Variants in GLT1D1 observed in about 807,000 individuals in gnomAD.
The protein encoded by GLT1D1 is glycosyltransferase 1 domain-containing protein 1.
GLT1D1 carries 21 observed loss-of-function variants against 28.7 expected under a neutral mutation model. The observed-to-expected ratio is 0.73, with a 90% confidence interval of 0.52 to 1.05. GLT1D1 has a LOEUF of 1.05. Ranked by LOEUF, GLT1D1 falls within the 50% of genes least tolerant of loss-of-function variation. The probability of loss-of-function intolerance (pLI) is 0.00; values close to 1 mark genes in which losing one functional copy is unlikely to be tolerated. For synonymous variants in GLT1D1, 147 were observed against 124.8 expected (o/e 1.18, Z -1.19); for missense variants, 343 against 330.6 (o/e 1.04, Z -0.29).
intron 4 of GLT1D1, among the ~76,000 whole-genome samples, chr12:128,941,821 C>T (rs1389105264): frequency 1.3e-5 from 2 of 151,402 alleles, no homozygotes; most frequent in African/African-American, 4.8e-5. Context: ...TCACATGATC[C>T]CCCCTCCTCA....
rs934772308 is a variant in GLT1D1 at position 128,983,204 on chromosome 12, G to A, written c.*114G>A. ...CAGTTCAAATAAAACCAGCCTCAGCGGAATCCTAGAAAATGTTAGTCGTGA... is the reference window on the plus strand; with the variant it reads ...CAGTTCAAATAAAACCAGCCTCAGCAGAATCCTAGAAAATGTTAGTCGTGA... On this transcript the variant is annotated 3_prime_UTR_variant, in exon 8 of 8. Coordinates refer to ENST00000281703, the MANE Select transcript of GLT1D1 (RefSeq NM_144669.3). This position sits in a 1 kb window ranked among gnomAD's most constrained non-coding sequence, Gnocchi z 4.7. 6.4e-6 allele frequency: 6 copies of A among 931,130 alleles called. No individual in the cohort carries two copies. The highest frequency in any genetic ancestry group is 9.8e-6 in the Non-Finnish European group (6 of 609,336). The allele number at this position is 931,130 out of a possible 1,614,324, so 57.7% of individuals were successfully genotyped here. A position where few individuals can be genotyped will look rare whatever the true frequency, so the allele number is the denominator to read the frequency against.
In GLT1D1 at chr12:128,856,385, C is replaced by T. The variant is rs371151078; in HGVS notation, c.68+2736C>T. The stretch of plus-strand genomic sequence containing the variant: ...ATTGCAGCCCAGTAGGTCTTAACCT[C>T]ATTTTACCCAGCCCTTATTCAAGAC... On this transcript the variant is annotated intron_variant, in intron 1 of 7. Transcript: ENST00000281703. Among the ~76,000 whole-genome samples the T allele has an allele frequency of 7.7e-4, 117 of 152,276 alleles. 3 individuals carry two copies. The South Asian group carries it at 0.024, about 31-fold the overall frequency.
intron 4 of GLT1D1, chr12:128,906,796 C>T: frequency 3.5e-6 from 2 of 564,364 alleles, no homozygotes; most frequent in Non-Finnish European, 3.3e-6. Context: ...TGCCTTGGCA[C>T]TTGTGAAAGA....
chr12:128,980,283 A>T (rs1880197541), intron 7 of GLT1D1, among the ~76,000 whole-genome samples: 1 of 152,214 alleles, frequency 6.6e-6, no homozygotes, highest in African/African-American at 2.4e-5. Flanking sequence ...ACAAATCAGG[A>T]CCAACTTTTG....
Position 128,983,255 on chromosome 12 carries a change from C to G in GLT1D1, c.*165C>G. 2 of 622,002 alleles carry G rather than the reference C, an allele frequency of 3.2e-6. No homozygotes were observed. Among genetic ancestry groups the G allele is most frequent in the Non-Finnish European group, 5.6e-6 (2 of 356,740 alleles). 38.5% of individuals were successfully genotyped at this position (622,002 alleles called of 1,614,324 possible). On this transcript the variant is annotated 3_prime_UTR_variant, in exon 8 of 8. Coordinates refer to ENST00000281703, the MANE Select transcript of GLT1D1 (RefSeq NM_144669.3). This position sits in a 1 kb window ranked among gnomAD's most constrained non-coding sequence, Gnocchi z 4.7. ...GTCCCCAGAGCCACTGCATTCATCC[C>G]ATATCCTTCTGTGCGTTCAGATGCT...
At chr12:128,894,039 T>C (rs1000251514) in intron 3 of GLT1D1, among the ~76,000 whole-genome samples, 1 of 152,212 alleles carries the variant, frequency 6.6e-6, no homozygotes, top group Non-Finnish European at 1.5e-5. Context: ...TTCCCCCAGA[T>C]ACAGTTTCCT....
intron 6 of GLT1D1, among the ~76,000 whole-genome samples, chr12:128,950,104 C>T (rs1173239771): frequency 2.6e-5 from 4 of 152,058 alleles, no homozygotes; most frequent in South Asian, 2.1e-4. Context: ...TACGGCAGTG[C>T]GAGGCCTTTC....
intron 4 of GLT1D1, among the ~76,000 whole-genome samples, chr12:128,916,851 C>T (rs562859558): frequency 2.6e-5 from 4 of 152,188 alleles, no homozygotes; most frequent in African/African-American, 4.8e-5. Flanking sequence ...TTATTGAAGT[C>T]GAGTTTATCA....
chr12:128,952,858 A>G (rs917857019), intron 6 of GLT1D1, among the ~76,000 whole-genome samples: 3 of 132,968 alleles, frequency 2.3e-5, no homozygotes, highest in African/African-American at 8.7e-5. Context: ...GGCTCACTGA[A>G]GCTTCCACCT....
At chr12:128,928,723 C>T (rs901956103) in intron 4 of GLT1D1, among the ~76,000 whole-genome samples, 19 of 151,496 alleles carry the variant, frequency 1.3e-4, no homozygotes, top group South Asian at 6.3e-4. Context: ...TGGGTTCAAG[C>T]GATTCTCCAG....
intron 1 of GLT1D1, among the ~76,000 whole-genome samples, chr12:128,856,115 C>A (rs1956215505): frequency 6.6e-6 from 1 of 152,134 alleles, no homozygotes; most frequent in African/African-American, 2.4e-5. Context: ...ATTATTCACA[C>A]CTCCCCTTTC....
At chr12:128,922,102 T>C (rs774076820) in intron 4 of GLT1D1, among the ~76,000 whole-genome samples, 1 of 152,070 alleles carries the variant, frequency 6.6e-6, no homozygotes, top group Non-Finnish European at 1.5e-5. Context: ...GTGTCACATA[T>C]GGATGTGTAC....
intron 4 of GLT1D1, among the ~76,000 whole-genome samples, chr12:128,939,840 C>A (rs76403133): frequency 5.6e-5 from 8 of 142,616 alleles, no homozygotes; most frequent in Admixed American, 3.4e-4. Flanking sequence ...GTTAGAAACC[C>A]CCCCCCACCG....
intron 1 of GLT1D1, chr12:128,864,311 A>G (rs1956461717): frequency 2.4e-6 from 1 of 424,362 alleles, no homozygotes; most frequent in South Asian, 5.7e-5. Flanking sequence ...ACTGGGATAT[A>G]ACATGATCAG....
At chr12:128,960,470 A>G (rs531535050) in intron 7 of GLT1D1, among the ~76,000 whole-genome samples, 3 of 152,210 alleles carry the variant, frequency 2.0e-5, no homozygotes, top group Non-Finnish European at 4.4e-5. Context: ...TTAATTTTAA[A>G]TATGAGGCCG....
intron 7 of GLT1D1, among the ~76,000 whole-genome samples, chr12:128,975,095 C>G (rs1879639282): frequency 1.3e-5 from 2 of 152,216 alleles, no homozygotes; most frequent in Admixed American, 6.5e-5. Flanking sequence ...CTCCGTCACT[C>G]CTGAGCACCC....
chr12:128,929,411 T>C (rs989214010), intron 4 of GLT1D1, among the ~76,000 whole-genome samples: 14 of 152,206 alleles, frequency 9.2e-5, no homozygotes, highest in African/African-American at 3.4e-4. Flanking sequence ...GGTGTACCAT[T>C]GGCAGTGATG....
At chr12:128,962,237 T>C (rs1878043607) in intron 7 of GLT1D1, among the ~76,000 whole-genome samples, 1 of 152,112 alleles carries the variant, frequency 6.6e-6, no homozygotes, top group Non-Finnish European at 1.5e-5. Context: ...TGAGCTGCAG[T>C]GTATAGTGGG....
chr12:128,880,076 A>G (rs534118932), intron 2 of GLT1D1, among the ~76,000 whole-genome samples: 1 of 152,320 alleles, frequency 6.6e-6, no homozygotes, highest in East Asian at 1.9e-4. Flanking sequence ...TTTTGTTTTG[A>G]TTGACAGTGA....
Sources: allele counts gnomAD v4.1 joint callset (sites outside exome capture counted in the v4.1 genomes callset), GRCh38; gene constraint gnomAD v4.1.1; non-coding constraint Gnocchi (gnomAD v3.1); transcripts MANE v1.5; gene names NCBI Gene and HGNC (gene_info 2026-07-23, HGNC 2026-07-21).